Variants in ELAVL2 observed in about 807,000 individuals in gnomAD.
ELAVL2 encodes the protein ELAV like RNA binding protein 2, also known as ELAV-like protein 2.
A neutral mutation model predicts 34.6 loss-of-function variants in ELAVL2; 4 were observed. The observed-to-expected ratio is 0.12, with a 90% CI of 0.06 to 0.26. The LOEUF (loss-of-function observed/expected upper bound fraction) is 0.26. ELAVL2 is among the 10% of genes least tolerant of loss of function. The pLI is 1.00. For synonymous variants in ELAVL2, 193 were observed against 154.8 expected (o/e 1.25, Z -1.83); for missense variants, 432 against 442.8 (o/e 0.98, Z 0.22).
chr9:23,759,290 C>CA (rs1161171353), intron 2 of ELAVL2, among the ~76,000 whole-genome samples: 2 of 151,852 alleles, frequency 1.3e-5, no homozygotes, highest in Non-Finnish European at 2.9e-5. Flanking sequence ...ACTTAGAGGA[C>CA]ACTATGTTAA....
intron 1 of ELAVL2, among the ~76,000 whole-genome samples, chr9:23,769,527 T>C (rs1025243023): frequency 6.6e-6 from 1 of 152,216 alleles, no homozygotes; most frequent in East Asian, 1.9e-4. Flanking sequence ...AGCCATTAGT[T>C]TGTTTTCTTT....
chr9:23,771,994 T>C (rs944061455), intron 1 of ELAVL2, among the ~76,000 whole-genome samples: 6 of 152,168 alleles, frequency 3.9e-5, no homozygotes, highest in African/African-American at 1.2e-4. Context: ...TATTTGGCAA[T>C]AGAATCTAAA....
At chr9:23,715,641 T>G (rs2042102297) in intron 3 of ELAVL2, among the ~76,000 whole-genome samples, 1 of 152,208 alleles carries the variant, frequency 6.6e-6, no homozygotes, top group South Asian at 2.1e-4. Flanking sequence ...ATTCTGAAAC[T>G]TGACCCAATG....
intron 3 of ELAVL2, among the ~76,000 whole-genome samples, chr9:23,708,562 T>A (rs2040043777): frequency 6.6e-6 from 1 of 152,260 alleles, no homozygotes; most frequent in South Asian, 2.1e-4. Flanking sequence ...AAATGAATCC[T>A]GGCTGTTTCT....
rs2033103392 is a variant in ELAVL2 at position 23,691,310 on chromosome 9, C to A, written c.*1247G>T. On this transcript the variant is annotated 3_prime_UTR_variant, in exon 7 of 7. Coordinates refer to ENST00000397312, the MANE Select transcript of ELAVL2 (RefSeq NM_004432.5). ...TAAACACAAGGTCTTATTTACATTA[C>A]ACAAAGCTCAGGTGTTAGCCTTGAA... 6.6e-6 allele frequency: 1 copy of A among 152,604 alleles called. No individual in the cohort carries two copies. Among genetic ancestry groups the A allele is most frequent in the Non-Finnish European group, 1.5e-5 (1 of 68,014 alleles). 9.5% of individuals were successfully genotyped at this position (152,604 alleles called of 1,614,324 possible).
At chr9:23,782,549 G>C (rs2059203434) in intron 1 of ELAVL2, among the ~76,000 whole-genome samples, 1 of 152,098 alleles carries the variant, frequency 6.6e-6, no homozygotes, top group African/African-American at 2.4e-5. Flanking sequence ...TCCAGACTGG[G>C]TGACAGAGCA....
At chr9:23,706,163 CTGTA>C (rs2039270005) in intron 3 of ELAVL2, among the ~76,000 whole-genome samples, 1 of 152,184 alleles carries the variant, frequency 6.6e-6, no homozygotes, top group African/African-American at 2.4e-5. Flanking sequence ...TTGCCTGCCA[CTGTA>C]TGTACTTTCA....
intron 1 of ELAVL2, among the ~76,000 whole-genome samples, chr9:23,779,965 G>A (rs1237429190): frequency 1.2e-5 from 1 of 83,220 alleles, no homozygotes; most frequent in Non-Finnish European, 2.2e-5. Context: ...CCCAGAATCG[G>A]TGATAGTGTT....
In ELAVL2 at chr9:23,730,985, T is replaced by C. The variant is rs764932814; in HGVS notation, c.333+37A>G. 1.2e-5 allele frequency: 19 copies of C among 1,568,596 alleles called. No individual in the cohort carries two copies. In the South Asian group the frequency reaches 2.0e-4, roughly 16 times the overall value. ...ATAAATCTTAATTTTTTTAAACTTC[T>C]GTTCCGCAAGTAGATATAAAAAAAC... On this transcript the variant is annotated intron_variant, in intron 3 of 6. Coordinates refer to ENST00000397312, the MANE Select transcript of ELAVL2 (RefSeq NM_004432.5).
chr9:23,727,739 C>G (rs2045578643), intron 3 of ELAVL2, among the ~76,000 whole-genome samples: 1 of 152,006 alleles, frequency 6.6e-6, no homozygotes. Context: ...GCTTTAGGTC[C>G]TCACAGAGCC....
At chr9:23,752,394 T>C (rs1046784772) in intron 2 of ELAVL2, among the ~76,000 whole-genome samples, 1 of 152,062 alleles carries the variant, frequency 6.6e-6, no homozygotes, top group African/African-American at 2.4e-5. Context: ...CCCAAGAACT[T>C]GATCCCAAAC....
chr9:23,817,694 A>G (rs1439739644), intron 1 of ELAVL2, among the ~76,000 whole-genome samples: 8 of 152,212 alleles, frequency 5.3e-5, no homozygotes, highest in Non-Finnish European at 7.3e-5. Flanking sequence ...CTTGAAATAA[A>G]AAATTCTTCT....
chr9:23,799,097 AAGAC>A (rs1286949992), intron 1 of ELAVL2, among the ~76,000 whole-genome samples: 2 of 152,226 alleles, frequency 1.3e-5, no homozygotes, highest in Non-Finnish European at 2.9e-5. Context: ...TTACACAATT[AAGAC>A]AGACATAATA....
chr9:23,764,956 T>C (rs1413021411), intron 1 of ELAVL2: 1 of 1,567,500 alleles, frequency 6.4e-7, no homozygotes, highest in African/African-American at 1.4e-5. Context: ...TCAGCACTCC[T>C]CCAACATGCT....
intron 5 of ELAVL2, among the ~76,000 whole-genome samples, chr9:23,699,974 C>T (rs1001482067): frequency 6.6e-6 from 1 of 151,794 alleles, no homozygotes; most frequent in Admixed American, 6.6e-5. Flanking sequence ...GCATTCATAA[C>T]AAATTTCCTT....
upstream of ELAVL2, among the ~76,000 whole-genome samples, chr9:23,828,188 A>G (rs934907079): frequency 6.6e-6 from 1 of 152,200 alleles, no homozygotes. Flanking sequence ...CCAGCTCCAT[A>G]CAGAGAAATA....
At chr9:23,818,035 A>G (rs2063963597) in intron 1 of ELAVL2, among the ~76,000 whole-genome samples, 1 of 152,196 alleles carries the variant, frequency 6.6e-6, no homozygotes, top group Admixed American at 6.5e-5. Flanking sequence ...TATACAATAA[A>G]TGTTCTTCCC....
chr9:23,766,316 T>C lies in ELAVL2; in HGVS notation c.-15-4067A>G, dbSNP rs182787558. Among the ~76,000 whole-genome samples, 9 of 152,310 alleles carry C rather than the reference T, an allele frequency of 5.9e-5. No homozygotes were observed. In the East Asian group the frequency reaches 1.2e-3, roughly 20 times the overall value. On this transcript the variant is annotated intron_variant, in intron 1 of 6. Coordinates refer to ENST00000397312, the MANE Select transcript of ELAVL2 (RefSeq NM_004432.5). ...ATGTTATTTTTCAAAAAACTACTTA[T>C]AGTTTAACTGAACCTGTGAAAAAGT...
Position 23,762,203 on chromosome 9 carries a change from C to T in ELAVL2, c.32G>A (p.Cys11Tyr), listed in dbSNP as rs750681647. 1.9e-6 allele frequency: 3 copies of T among 1,613,548 alleles called. No individual in the cohort carries two copies. Among genetic ancestry groups the T allele is most frequent in the Non-Finnish European group, 2.5e-6 (3 of 1,179,616 alleles). METQLSNGPT[C>Y]NNTANGPTTI... ...GGTTGGACCATTGGCTGTGTTATTGCAAGTTGGCCCATTAGACAGTTGTGT... is the reference window on the plus strand; with the variant it reads ...GGTTGGACCATTGGCTGTGTTATTGTAAGTTGGCCCATTAGACAGTTGTGT... The change falls in exon 2 of 7, where the codon TGC becomes TAC. Residue 11 changes from cysteine (C) to tyrosine (Y), a missense_variant. Transcript: ENST00000397312.
Sources: gnomAD v4.1 joint callset for allele counts (sites outside exome capture counted in the v4.1 genomes callset) on GRCh38, gnomAD v4.1.1 for gene constraint, MANE v1.5 for transcripts, NCBI Gene and HGNC (gene_info 2026-07-23, HGNC 2026-07-21) for gene names.